Variants in DYNC1I1 observed in about 807,000 individuals in gnomAD.
DYNC1I1 encodes the protein dynein cytoplasmic 1 intermediate chain 1.
Under a neutral mutation model 86.6 loss-of-function variants are expected in DYNC1I1, and 43 were observed. The ratio of observed to expected loss-of-function variants is 0.50; its 90% CI spans 0.39 to 0.64. The LOEUF (loss-of-function observed/expected upper bound fraction) is 0.64. Ranked by LOEUF, DYNC1I1 falls within the 30% of genes least tolerant of loss-of-function variation. DYNC1I1 has a pLI of 0.00. For synonymous variants in DYNC1I1, 262 were observed against 283.7 expected, an observed-to-expected ratio of 0.92 and a Z score of 0.77; for missense variants, 604 against 788.8, an observed-to-expected ratio of 0.77 and a Z score of 2.81.
rs201852465 is a variant in DYNC1I1, at chr7:95,984,957, A to G, written c.723A>G (p.Arg241=). ...DSDIFFDYSG[R]ELEEKDGDVQ... is the part of the protein sequence containing the mutation. ...ACATCTTTTTTGACTACAGCGGCCG[A>G]GAGTTAGAGGAAAAAGATGGGTTAG... The change falls in exon 8 of 17, where the codon CGA becomes CGG. Residue 241 remains arginine, a synonymous_variant. Coordinates refer to ENST00000447467, the MANE Select transcript of DYNC1I1 (RefSeq NM_001135556.2). 1.2e-5 allele frequency: 19 copies of G among 1,613,164 alleles called. No individual in the cohort carries two copies. Among genetic ancestry groups the G allele is most frequent in the Non-Finnish European group, 1.6e-5 (19 of 1,179,584 alleles).
chr7:95,964,671 G>T (rs910380646), intron 6 of DYNC1I1, among the ~76,000 whole-genome samples: 1 of 152,136 alleles, frequency 6.6e-6, no homozygotes, highest in Non-Finnish European at 1.5e-5. Flanking sequence ...AATGTAGAAG[G>T]TCAGATAGTA....
chr7:95,793,933 G>A (rs1039799661), intron 1 of DYNC1I1, among the ~76,000 whole-genome samples: 9 of 152,134 alleles, frequency 5.9e-5, no homozygotes, highest in Admixed American at 3.3e-4. Context: ...TGGGAGTGCC[G>A]CTTGAGATGG....
chr7:95,956,660 G>T (rs1333193949), intron 6 of DYNC1I1, among the ~76,000 whole-genome samples: 1 of 151,888 alleles, frequency 6.6e-6, no homozygotes, highest in Non-Finnish European at 1.5e-5. Flanking sequence ...GTGTTAGTTT[G>T]CTAAGAATGA....
At chr7:95,916,644 A>G (rs1791475213) in intron 6 of DYNC1I1, among the ~76,000 whole-genome samples, 1 of 152,126 alleles carries the variant, frequency 6.6e-6, no homozygotes, top group African/African-American at 2.4e-5. Flanking sequence ...GACCTTTATT[A>G]TGTGACCATT....
chr7:95,871,866 C>A (rs1452711433), intron 6 of DYNC1I1, among the ~76,000 whole-genome samples: 5 of 152,226 alleles, frequency 3.3e-5, no homozygotes, highest in African/African-American at 1.2e-4. Context: ...CAAGATCCAT[C>A]AAGCTTTTTT....
intron 6 of DYNC1I1, among the ~76,000 whole-genome samples, chr7:95,939,135 A>G (rs1056249984): frequency 2.0e-5 from 3 of 152,110 alleles, no homozygotes; most frequent in East Asian, 1.9e-4. Flanking sequence ...CCTGAGTTCT[A>G]GTTTGATTGC....
chr7:96,085,880 A>G (rs1051387819), intron 16 of DYNC1I1, among the ~76,000 whole-genome samples: 2 of 152,234 alleles, frequency 1.3e-5, no homozygotes, highest in Admixed American at 1.3e-4. Flanking sequence ...TGGGTAGGAT[A>G]ATAAGTCAAA....
chr7:96,046,477 T>C (rs80015363), intron 14 of DYNC1I1, among the ~76,000 whole-genome samples: 2,439 of 152,286 alleles, frequency 0.016, 65 homozygotes, highest in African/African-American at 0.056. Flanking sequence ...TAGTATCCCA[T>C]TTTATATAAG....
chr7:95,892,716 G>A (rs949090681), intron 6 of DYNC1I1, among the ~76,000 whole-genome samples: 14 of 152,142 alleles, frequency 9.2e-5, no homozygotes, highest in African/African-American at 3.4e-4. Context: ...CAAAGTGCTG[G>A]GATTACAGGT....
intron 14 of DYNC1I1, among the ~76,000 whole-genome samples, chr7:96,040,416 T>G (rs1418522836): frequency 6.6e-6 from 1 of 151,968 alleles, no homozygotes; most frequent in East Asian, 1.9e-4. Context: ...GAGAACCATT[T>G]AAGAGATAAA....
chr7:95,930,120 A>T (rs1034476199), intron 6 of DYNC1I1, among the ~76,000 whole-genome samples: 7 of 152,244 alleles, frequency 4.6e-5, no homozygotes, highest in Non-Finnish European at 8.8e-5. Context: ...GAATCAGGAC[A>T]GCCCATTTTC....
At chr7:95,987,850 A>G (rs1018396042) in intron 9 of DYNC1I1, among the ~76,000 whole-genome samples, 5 of 152,158 alleles carry the variant, frequency 3.3e-5, no homozygotes, top group Non-Finnish European at 7.4e-5. Flanking sequence ...TATGATCTGT[A>G]TGTTAAAGGC....
At chr7:95,998,144 GA>G (rs1219779542) in intron 10 of DYNC1I1, among the ~76,000 whole-genome samples, 1 of 152,210 alleles carries the variant, frequency 6.6e-6, no homozygotes, top group Non-Finnish European at 1.5e-5. Flanking sequence ...GTACAACAGG[GA>G]GGTAAGAAAA....
intron 16 of DYNC1I1, among the ~76,000 whole-genome samples, chr7:96,108,390 T>G (rs1476334282): frequency 1.3e-5 from 2 of 152,178 alleles, no homozygotes; most frequent in African/African-American, 4.8e-5. Context: ...AGTTTTGTTT[T>G]GTTTTCCTTG....
chr7:96,050,902 C>A (rs994864015), intron 14 of DYNC1I1, among the ~76,000 whole-genome samples: 1 of 152,110 alleles, frequency 6.6e-6, no homozygotes. Context: ...AAAAAAAGTA[C>A]TAAAAATGCA....
chr7:96,073,241 C>T (rs1790220627), intron 14 of DYNC1I1, among the ~76,000 whole-genome samples: 1 of 152,138 alleles, frequency 6.6e-6, no homozygotes, highest in African/African-American at 2.4e-5. Context: ...AAGGCTCAGT[C>T]TTGGGGTGAA....
intron 2 of DYNC1I1, among the ~76,000 whole-genome samples, chr7:95,808,312 A>G (rs973016354): frequency 6.6e-6 from 1 of 152,182 alleles, no homozygotes; most frequent in African/African-American, 2.4e-5. Context: ...TACTAAACTA[A>G]GTGCCCTTTT....
chr7:95,877,475 C>A (rs1047894752), intron 6 of DYNC1I1, among the ~76,000 whole-genome samples: 1 of 152,184 alleles, frequency 6.6e-6, no homozygotes, highest in Admixed American at 6.5e-5. Flanking sequence ...GTCCCCTCCC[C>A]CAGCTCCAGA....
intron 9 of DYNC1I1, among the ~76,000 whole-genome samples, chr7:95,993,808 G>A (rs1162071843): frequency 1.3e-5 from 2 of 152,082 alleles, no homozygotes; most frequent in African/African-American, 4.8e-5. Context: ...ATTCATAAAG[G>A]CAATCTTCCA....
Sources: allele counts gnomAD v4.1 joint callset (sites outside exome capture counted in the v4.1 genomes callset), GRCh38; gene constraint gnomAD v4.1.1; transcripts MANE v1.5; gene names NCBI Gene and HGNC (gene_info 2026-07-23, HGNC 2026-07-21).